The following GABRA2 variants were observed in gnomAD, a reference collection of about 807,000 sequenced individuals.
GABRA2 encodes gamma-aminobutyric acid type A receptor subunit alpha2, also known as gamma-aminobutyric acid receptor subunit alpha-2.
Under a neutral mutation model 48.7 loss-of-function variants are expected in GABRA2, and 16 were observed. The ratio of observed to expected loss-of-function variants is 0.33; its 90% CI spans 0.22 to 0.50. The LOEUF is 0.50. Among genes scored for constraint, GABRA2 ranks in the 20% least tolerant of loss-of-function variants. The pLI is 0.98. For synonymous variants in GABRA2, 185 were observed against 184.5 expected (o/e 1.00, Z -0.02); for missense variants, 275 against 535.6 (o/e 0.51, Z 4.80).
rs943842462 is a variant in GABRA2 at position 46,350,518 on chromosome 4, T to C, written c.188-17836A>G. The stretch of plus-strand genomic sequence containing the variant: ...ATATATATACACATACATACATACC[T>C]GTATATAAATACACATGCATCTATC... On this transcript the variant is annotated intron_variant, in intron 3 of 9. Coordinates refer to ENST00000381620, the MANE Select transcript of GABRA2 (RefSeq NM_000807.4). Among the ~76,000 whole-genome samples, 9 of 151,962 alleles carry C rather than the reference T, an allele frequency of 5.9e-5. No homozygotes were observed. In the South Asian group the frequency reaches 1.9e-3, roughly 31 times the overall value.
chr4:46,340,929 T>A (rs566425081), intron 3 of GABRA2, among the ~76,000 whole-genome samples: 2 of 152,134 alleles, frequency 1.3e-5, no homozygotes, highest in Non-Finnish European at 2.9e-5. Flanking sequence ...TCTTCTTTTT[T>A]TTCTTATGTT....
intron 3 of GABRA2, among the ~76,000 whole-genome samples, chr4:46,362,454 A>G (rs1713362705): frequency 6.6e-6 from 1 of 152,168 alleles, no homozygotes; most frequent in Non-Finnish European, 1.5e-5. Flanking sequence ...GCCCAGTCCC[A>G]GGTATGTCTT....
chr4:46,282,760 G>A (rs552294984), intron 8 of GABRA2, among the ~76,000 whole-genome samples: 5 of 152,210 alleles, frequency 3.3e-5, no homozygotes, highest in South Asian at 2.1e-4. Context: ...ATTAGTATCC[G>A]ATAATAAACA....
chr4:46,264,430 T>C (rs1717689862), intron 8 of GABRA2, among the ~76,000 whole-genome samples: 1 of 152,108 alleles, frequency 6.6e-6, no homozygotes, highest in East Asian at 1.9e-4. Flanking sequence ...CCTTCACCTA[T>C]AGGTATGATT....
At chr4:46,375,460 G>A (rs1334504915) in intron 3 of GABRA2, among the ~76,000 whole-genome samples, 3 of 151,880 alleles carry the variant, frequency 2.0e-5, no homozygotes, top group African/African-American at 7.3e-5. Flanking sequence ...AAACAAATAA[G>A]TTTTTCTAAA....
At chr4:46,377,984 TG>T (rs1267740704) in intron 3 of GABRA2, among the ~76,000 whole-genome samples, 1 of 129,736 alleles carries the variant, frequency 7.7e-6, no homozygotes, top group African/African-American at 3.0e-5. Context: ...AGGAGGGAGG[TG>T]GGGGGGTCAG....
intron 4 of GABRA2, among the ~76,000 whole-genome samples, chr4:46,320,222 A>T (rs1729224138): frequency 6.6e-6 from 1 of 151,874 alleles, no homozygotes. Context: ...ATGTTGGAAA[A>T]ACTGAATAGC....
At chr4:46,293,799 G>A (rs1180757382) in intron 8 of GABRA2, among the ~76,000 whole-genome samples, 1 of 152,104 alleles carries the variant, frequency 6.6e-6, no homozygotes, top group Non-Finnish European at 1.5e-5. Flanking sequence ...CCACCATCAA[G>A]GACTTGAAAA....
rs1560412111 is a variant in GABRA2 at position 46,243,763 on chromosome 4, A to C, written c.*6545T>G. On this transcript the variant is annotated 3_prime_UTR_variant, in exon 10 of 10. Transcript: ENST00000381620. ...AAAACCTACCAATAAGTATACTGTC[A>C]CCCAGAAAATTTCAAATTTCACATA... 1 of 151,488 alleles carries C rather than the reference A, an allele frequency of 6.6e-6. No homozygotes were observed. Among genetic ancestry groups the C allele is most frequent in the Non-Finnish European group, 1.5e-5 (1 of 67,616 alleles). 9.4% of individuals were successfully genotyped at this position (151,488 alleles called of 1,614,324 possible).
In GABRA2 at chr4:46,249,942, C is replaced by A. The variant is rs199770884; in HGVS notation, c.*366G>T. On this transcript the variant is annotated 3_prime_UTR_variant, in exon 10 of 10. Transcript: ENST00000381620. Reference sequence around the variant, plus strand: ...GTTATCTTCCATCATAATTAAGCAACAGTAGAAAATACCCCTACTTAAGAG... The same window carrying A: ...GTTATCTTCCATCATAATTAAGCAAAAGTAGAAAATACCCCTACTTAAGAG... The A allele has an allele frequency of 5.2e-5, 9 of 174,472 alleles. No individual in the cohort carries two copies. Among genetic ancestry groups the A allele is most frequent in the Non-Finnish European group, 7.3e-5 (6 of 82,186 alleles). 10.8% of individuals were successfully genotyped at this position (174,472 alleles called of 1,614,324 possible).
intron 3 of GABRA2, among the ~76,000 whole-genome samples, chr4:46,348,371 T>C (rs1207777983): frequency 6.6e-6 from 1 of 151,954 alleles, no homozygotes; most frequent in African/African-American, 2.4e-5. Flanking sequence ...GTGTGGCGAT[T>C]CCTTAGGGAT....
chr4:46,369,216 G>A (rs1714508947), intron 3 of GABRA2, among the ~76,000 whole-genome samples: 2 of 151,984 alleles, frequency 1.3e-5, no homozygotes, highest in Admixed American at 1.3e-4. Flanking sequence ...AAATCTAGAG[G>A]GCACACCCCT....
intron 7 of GABRA2, 44 bp downstream of exon 7, chr4:46,305,524 A>G: frequency 6.4e-7 from 1 of 1,573,750 alleles, no homozygotes; most frequent in Admixed American, 1.7e-5. Flanking sequence ...TTAACCTATT[A>G]ATATTCTTAG....
At position 46,267,315 on chromosome 4, in the gene GABRA2, A is replaced by C. The variant is rs1718448985; in HGVS notation, c.857-5187T>G. ...TTCTAATTGTTTCAATTTTTAAATA[A>C]TTTATATCATTTTATTGGTAAAGTG... On this transcript the variant is annotated intron_variant, in intron 8 of 9. Transcript: ENST00000381620. Among the ~76,000 whole-genome samples the C allele has an allele frequency of 2.0e-5, 3 of 152,186 alleles. No homozygotes were observed. In the South Asian group the frequency reaches 6.2e-4, roughly 32 times the overall value.
chr4:46,271,065 A>G lies in GABRA2; in HGVS notation c.857-8937T>C, dbSNP rs138014103. Among the ~76,000 whole-genome samples, 1,002 of 152,088 alleles carry G rather than the reference A, an allele frequency of 6.6e-3. 8 individuals carry two copies. The highest frequency in any genetic ancestry group is 0.061 in the Middle Eastern group (18 of 294). On this transcript the variant is annotated intron_variant, in intron 8 of 9. Coordinates refer to ENST00000381620, the MANE Select transcript of GABRA2 (RefSeq NM_000807.4). ...CTGAAAGCAAAGGTAGATTTAAATC[A>G]GAAAGACAAAATAAAATAAAACCTT...
Position 46,378,179 on chromosome 4 carries a change from C to T in GABRA2, c.187+7895G>A, listed in dbSNP as rs1227608254. ...GGTGTACCCAACAGCTCATTGAGAACGGGCCATGATGACAATGGCGGTTTT... is the reference window on the plus strand; with the variant it reads ...GGTGTACCCAACAGCTCATTGAGAATGGGCCATGATGACAATGGCGGTTTT... On this transcript the variant is annotated intron_variant, in intron 3 of 9. Coordinates refer to ENST00000381620, the MANE Select transcript of GABRA2 (RefSeq NM_000807.4). Among the ~76,000 whole-genome samples the T allele has an allele frequency of 2.6e-5, 4 of 151,968 alleles. No individual in the cohort carries two copies. The South Asian group carries it at 6.2e-4, about 24-fold the overall frequency.
rs185823472 is a variant in GABRA2, at chr4:46,294,659, C to T, written c.856+8801G>A. Among the ~76,000 whole-genome samples the T allele has an allele frequency of 5.6e-4, 86 of 152,282 alleles. 1 individual carries two copies. Among genetic ancestry groups the T allele is most frequent in the African/African-American group, 2.0e-3 (83 of 41,556 alleles). On this transcript the variant is annotated intron_variant, in intron 8 of 9. Coordinates refer to ENST00000381620, the MANE Select transcript of GABRA2 (RefSeq NM_000807.4). ...GGGCAGATACGGATGCTGTTTGGAG[C>T]CTCTGGCAGACCCCCATAGGTGAAC...
At chr4:46,359,666 AC>A (rs1319754695) in intron 3 of GABRA2, among the ~76,000 whole-genome samples, 1 of 152,084 alleles carries the variant, frequency 6.6e-6, no homozygotes, top group Non-Finnish European at 1.5e-5. Flanking sequence ...ATAAATCAAA[AC>A]TTAAAGAATT....
intron 3 of GABRA2, among the ~76,000 whole-genome samples, chr4:46,338,558 G>A (rs1732665417): frequency 6.6e-6 from 1 of 151,628 alleles, no homozygotes; most frequent in South Asian, 2.1e-4. Flanking sequence ...TAAATTCTGG[G>A]AATAAATTCA....
Sources: gnomAD v4.1 joint callset for allele counts (sites outside exome capture counted in the v4.1 genomes callset) on GRCh38, gnomAD v4.1.1 for gene constraint, MANE v1.5 for transcripts, NCBI Gene and HGNC (gene_info 2026-07-23, HGNC 2026-07-21) for gene names.